Variants in RC3H1 observed in about 807,000 individuals in gnomAD.
The protein encoded by RC3H1 is roquin-1.
Under a neutral mutation model 138.2 loss-of-function variants are expected in RC3H1, and 50 were observed. That is an observed-to-expected ratio of 0.36 (90% CI 0.29 to 0.46). The LOEUF (loss-of-function observed/expected upper bound fraction) is 0.46. Ranked by LOEUF, RC3H1 falls within the 20% of genes least tolerant of loss-of-function variation. The pLI is 1.00. For synonymous variants in RC3H1, 462 were observed against 489.1 expected (o/e 0.94, Z 0.73); for missense variants, 1,031 against 1,388.1 (o/e 0.74, Z 4.09).
chr1:174,021,049 A>AT (rs1193633481), intron 1 of RC3H1, among the ~76,000 whole-genome samples: 1 of 152,176 alleles, frequency 6.6e-6, no homozygotes, highest in Non-Finnish European at 1.5e-5. Flanking sequence ...AACTCAGAGA[A>AT]AAGACTGGTC....
chr1:173,994,150 G>A (rs113136481), intron 1 of RC3H1, among the ~76,000 whole-genome samples: 2,468 of 151,726 alleles, frequency 0.016, 67 homozygotes, highest in African/African-American at 0.054. Context: ...CCAGCGCTTT[G>A]GGAGGCTGAG....
chr1:173,992,699 CAG>C (rs1553232033), intron 2 of RC3H1, 54 bp downstream of exon 2: 32,499 of 616,720 alleles, frequency 0.053, 45 homozygotes, highest in Non-Finnish European at 0.063. Context: ...CACACACACA[CAG>C]AGAGAGAGAG....
intron 13 of RC3H1, among the ~76,000 whole-genome samples, chr1:173,957,059 G>A (rs942385162): frequency 5.3e-5 from 8 of 151,814 alleles, no homozygotes; most frequent in Admixed American, 1.3e-4. Flanking sequence ...GATTACAGGC[G>A]CCCACCATCA....
intron 9 of RC3H1, 82 bp from the exon 10 acceptor site, chr1:173,965,202 T>G (rs1342349684): frequency 1.6e-6 from 2 of 1,231,764 alleles, no homozygotes; most frequent in Non-Finnish European, 2.2e-6. Flanking sequence ...TATTATTTTC[T>G]AGAAATATTC....
chr1:174,003,418 CACGT>C (rs1661595285), intron 1 of RC3H1, among the ~76,000 whole-genome samples: 2 of 150,064 alleles, frequency 1.3e-5, no homozygotes, highest in Admixed American at 6.6e-5. Context: ...CACACACACA[CACGT>C]ACGGGGAATC....
chr1:173,980,855 T>C lies in RC3H1; in HGVS notation c.923A>G (p.Tyr308Cys). 2 of 1,614,160 alleles carry C rather than the reference T, an allele frequency of 1.2e-6. No individual in the cohort carries two copies. The highest frequency in any genetic ancestry group is 1.7e-6 in the Non-Finnish European group (2 of 1,180,000). ...IAPDQWSSLL[Y>C]GDQSHKSHMQ... ...ATGAGATTTGTGAGACTGGTCTCCATAAAGCAAAGAGGACCACTGGTCCGG... is the reference window on the plus strand; with the variant it reads ...ATGAGATTTGTGAGACTGGTCTCCACAAAGCAAAGAGGACCACTGGTCCGG... The change falls in exon 6 of 20, where the codon TAT becomes TGT. Residue 308 changes from tyrosine to cysteine, a missense_variant. Transcript: ENST00000367696.
chr1:173,989,961 C>T (rs1268407854), intron 2 of RC3H1, among the ~76,000 whole-genome samples: 5 of 150,858 alleles, frequency 3.3e-5, no homozygotes, highest in African/African-American at 9.7e-5. Flanking sequence ...CTCCTGACCT[C>T]GTGATCCACC....
At chr1:174,012,028 C>T (rs188847208) in intron 1 of RC3H1, among the ~76,000 whole-genome samples, 3 of 151,862 alleles carry the variant, frequency 2.0e-5, no homozygotes, top group Non-Finnish European at 2.9e-5. Flanking sequence ...CTGGGCAACA[C>T]GGCAAGACGC....
intron 14 of RC3H1, among the ~76,000 whole-genome samples, chr1:173,949,479 C>G (rs1368326292): frequency 6.6e-6 from 1 of 152,014 alleles, no homozygotes; most frequent in African/African-American, 2.4e-5. Context: ...AGCAATTCTC[C>G]TGCCTCAACC....
rs60259705 is a variant in RC3H1 at position 173,950,420 on chromosome 1, C to CAAAAAAAAAAAAAAAAAAAA, written c.2523+1546_2523+1565dup. Among the ~76,000 whole-genome samples the CAAAAAAAAAAAAAAAAAAAA allele has an allele frequency of 1.5e-3, 96 of 63,648 alleles. 5 individuals carry two copies. Among genetic ancestry groups the CAAAAAAAAAAAAAAAAAAAA allele is most frequent in the Non-Finnish European group, 2.0e-3 (66 of 33,652 alleles). The allele number at this position is 63,648 out of a possible 152,430, so 41.8% of individuals were successfully genotyped here. On this transcript the variant is annotated intron_variant, in intron 14 of 19. Coordinates refer to ENST00000367696, the MANE Select transcript of RC3H1 (RefSeq NM_172071.4). Reference sequence around the variant, plus strand: ...CAACATAGCAAGACCTCATCTCTACCAAAAAAAAAAAAAAAAAAAAAGAGC... The same window carrying CAAAAAAAAAAAAAAAAAAAA: ...CAACATAGCAAGACCTCATCTCTACCAAAAAAAAAAAAAAAAAAAAAAAAAAAAAAAAAAAAAAAAAGAGC...
At chr1:174,017,369 T>C (rs970607459) in intron 1 of RC3H1, among the ~76,000 whole-genome samples, 1 of 152,062 alleles carries the variant, frequency 6.6e-6, no homozygotes, top group Middle Eastern at 3.2e-3. Flanking sequence ...GTCTCAACTT[T>C]TCTTCCATAA....
At chr1:173,998,258 C>G (rs1462826277) in intron 1 of RC3H1, among the ~76,000 whole-genome samples, 3 of 152,138 alleles carry the variant, frequency 2.0e-5, no homozygotes, top group Admixed American at 1.3e-4. Flanking sequence ...AGGAGTATTT[C>G]TATTGGAACC....
Position 174,002,404 on chromosome 1 carries a change from C to T in RC3H1, c.-150-9269G>A, listed in dbSNP as rs529338950. On this transcript the variant is annotated intron_variant, in intron 1 of 19. Transcript: ENST00000367696. ...AATTTATGTTTCAGGTTGTTAAATA[C>T]TATCCTATAGAATCCTCAGGAATAT... Among the ~76,000 whole-genome samples the T allele has an allele frequency of 3.3e-5, 5 of 152,308 alleles. No homozygotes were observed. The South Asian group carries it at 8.3e-4, about 25-fold the overall frequency.
chr1:173,969,376 C>G (rs1433028837), intron 9 of RC3H1: 3 of 150,854 alleles, frequency 2.0e-5, no homozygotes, highest in Admixed American at 6.6e-5. Flanking sequence ...CTGGGCCTGA[C>G]CATGCTTAGC....
chr1:173,952,148 G>C lies in RC3H1; in HGVS notation c.2371-10C>G. 1 of 1,337,696 alleles carries C rather than the reference G, an allele frequency of 7.5e-7. No individual in the cohort carries two copies. Among genetic ancestry groups the C allele is most frequent in the Non-Finnish European group, 9.6e-7 (1 of 1,038,994 alleles). 82.9% of individuals were successfully genotyped at this position (1,337,696 alleles called of 1,614,324 possible). A position where few individuals can be genotyped will look rare whatever the true frequency, so the allele number is the denominator to read the frequency against. On this transcript the variant is annotated splice_polypyrimidine_tract_variant and intron_variant, in intron 13 of 19. Coordinates refer to ENST00000367696, the MANE Select transcript of RC3H1 (RefSeq NM_172071.4). ...AGTCTTCATCCAAAAACTACAGATG[G>C]AGAAAGAAAAAAAACAAAAAAAAAA... is the stretch of plus-strand genomic sequence containing the variant.
chr1:174,001,043 T>C (rs575163507), intron 1 of RC3H1, among the ~76,000 whole-genome samples: 101 of 152,260 alleles, frequency 6.6e-4, no homozygotes, highest in Admixed American at 1.7e-3. Flanking sequence ...GATAAATACT[T>C]GGGACAGGCA....
Position 173,965,004 on chromosome 1 carries a change from T to A in RC3H1, c.1451A>T (p.Asp484Val). The A allele has an allele frequency of 6.2e-7, 1 of 1,614,110 alleles. No individual in the cohort carries two copies. Among genetic ancestry groups the A allele is most frequent in the South Asian group, 1.1e-5 (1 of 91,072 alleles). The change falls in exon 10 of 20, where the codon GAT becomes GTT. Residue 484 changes from aspartate (D) to valine (V), a missense_variant. This residue lies in a region of RC3H1 where 716 missense variants were observed against 837.9 expected (regional missense o/e 0.85). Transcript: ENST00000367696. ...AAILPDEGAV[D>V]LPSRKPPALP... Reference sequence around the variant, plus strand: ...AGCAGGAGGTTTTCTGCTAGGGAGATCCACTGCACCTTCATCTGGAAGGAT... The same window carrying A: ...AGCAGGAGGTTTTCTGCTAGGGAGAACCACTGCACCTTCATCTGGAAGGAT...
At chr1:173,994,240 A>C (rs1048321426) in intron 1 of RC3H1, among the ~76,000 whole-genome samples, 4 of 151,892 alleles carry the variant, frequency 2.6e-5, no homozygotes, top group African/African-American at 9.7e-5. Flanking sequence ...AAAAATATAA[A>C]AAATTAGCCA....
intron 1 of RC3H1, among the ~76,000 whole-genome samples, chr1:174,019,407 C>T: frequency 6.6e-6 from 1 of 152,162 alleles, no homozygotes. Flanking sequence ...AGATCTGAGT[C>T]TGAGTAAGCT....
Sources: allele counts gnomAD v4.1 joint callset (sites outside exome capture counted in the v4.1 genomes callset), GRCh38; gene constraint gnomAD v4.1.1; regional missense constraint gnomAD v4.1.1; transcripts MANE v1.5; gene names NCBI Gene and HGNC (gene_info 2026-07-23, HGNC 2026-07-21).